Variants in IGF2BP3 observed in about 807,000 individuals in gnomAD.
IGF2BP3 encodes the protein insulin-like growth factor 2 mRNA-binding protein 3.
IGF2BP3 carries 9 observed loss-of-function variants against 73.8 expected under a neutral mutation model. That is an observed-to-expected ratio of 0.12 (90% confidence interval 0.07 to 0.21). The LOEUF (loss-of-function observed/expected upper bound fraction) is 0.21. IGF2BP3 is among the 10% of genes least tolerant of loss of function. IGF2BP3 has a pLI of 1.00. For synonymous variants in IGF2BP3, 258 were observed against 256.7 expected (o/e 1.01, Z -0.05); for missense variants, 542 against 714.0 (o/e 0.76, Z 2.75).
intron 3 of IGF2BP3, among the ~76,000 whole-genome samples, chr7:23,379,300 G>T (rs1785831331): frequency 6.6e-6 from 1 of 152,096 alleles, no homozygotes; most frequent in South Asian, 2.1e-4. Context: ...GGCATTTTTT[G>T]ATCCCAGCCA....
chr7:23,425,965 C>CA (rs111252889), intron 2 of IGF2BP3, among the ~76,000 whole-genome samples: 1,638 of 137,374 alleles, frequency 0.012, 28 homozygotes, highest in East Asian at 0.083. Flanking sequence ...GATCCTATCT[C>CA]AAAAAAAACA....
At chr7:23,319,310 G>T in intron 10 of IGF2BP3, 56 bp from the exon 11 acceptor site, 3 of 1,151,862 alleles carry the variant, frequency 2.6e-6, no homozygotes, top group Admixed American at 1.9e-5. Context: ...TCAGGCTTTT[G>T]TTAACATTAG....
At chr7:23,338,993 T>G (rs547773616) in intron 10 of IGF2BP3, among the ~76,000 whole-genome samples, 36 of 152,372 alleles carry the variant, frequency 2.4e-4, no homozygotes, top group African/African-American at 8.2e-4. Flanking sequence ...ACACAGATTG[T>G]TAAGACTGTC....
At chr7:23,434,092 A>T (rs1375336054) in intron 2 of IGF2BP3, among the ~76,000 whole-genome samples, 1 of 44,238 alleles carries the variant, frequency 2.3e-5, no homozygotes, top group Non-Finnish European at 6.5e-5. Context: ...AATTAAAATT[A>T]AAAAAAAAAA....
At chr7:23,342,675 C>A (rs1210765537) in intron 9 of IGF2BP3, among the ~76,000 whole-genome samples, 2 of 152,116 alleles carry the variant, frequency 1.3e-5, no homozygotes, top group African/African-American at 4.8e-5. Flanking sequence ...AGGACCCATC[C>A]CCATGTAACT....
At chr7:23,337,328 T>C (rs1486985840) in intron 10 of IGF2BP3, among the ~76,000 whole-genome samples, 2 of 152,220 alleles carry the variant, frequency 1.3e-5, no homozygotes, top group East Asian at 1.9e-4. Flanking sequence ...GTTTTCTCTT[T>C]ATTTAGATGA....
chr7:23,419,639 G>A (rs1425158073), intron 2 of IGF2BP3, among the ~76,000 whole-genome samples: 6 of 152,190 alleles, frequency 3.9e-5, no homozygotes, highest in Non-Finnish European at 5.9e-5. Context: ...ATCACTTGAG[G>A]TCTGGAGGTC....
At position 23,310,945 on chromosome 7, in the gene IGF2BP3, A is replaced by C. The variant is rs1195055016; in HGVS notation, c.*1417T>G. 1 of 152,190 alleles carries C rather than the reference A, an allele frequency of 6.6e-6. No individual in the cohort carries two copies. Among genetic ancestry groups the C allele is most frequent in the Non-Finnish European group, 1.5e-5 (1 of 68,032 alleles). 9.4% of individuals were successfully genotyped at this position (152,190 alleles called of 1,614,324 possible). A position where few individuals can be genotyped will look rare whatever the true frequency, so the allele number is the denominator to read the frequency against. ...ATTGTACGTACTGGGCTTTGCTGTC[A>C]AGGAGTGAGCAAATGAGTTCGTTAT... On this transcript the variant is annotated 3_prime_UTR_variant, in exon 15 of 15. Transcript: ENST00000258729.
At chr7:23,403,448 A>G (rs550368791) in intron 3 of IGF2BP3, among the ~76,000 whole-genome samples, 4 of 152,226 alleles carry the variant, frequency 2.6e-5, no homozygotes, top group Admixed American at 6.5e-5. Flanking sequence ...ATAGATATAT[A>G]TAAGTGGCTA....
At chr7:23,379,894 C>T (rs1346528150) in intron 3 of IGF2BP3, among the ~76,000 whole-genome samples, 1 of 152,142 alleles carries the variant, frequency 6.6e-6, no homozygotes, top group Non-Finnish European at 1.5e-5. Flanking sequence ...GGGGCAATTC[C>T]ATGCATCTCT....
intron 3 of IGF2BP3, among the ~76,000 whole-genome samples, chr7:23,394,032 C>A (rs796514786): frequency 2.6e-5 from 4 of 152,078 alleles, no homozygotes; most frequent in African/African-American, 9.7e-5. Context: ...CTTGTGTATA[C>A]CATAATCTTT....
chr7:23,465,157 C>T (rs1788536859), intron 2 of IGF2BP3, among the ~76,000 whole-genome samples: 1 of 152,160 alleles, frequency 6.6e-6, no homozygotes, highest in South Asian at 2.1e-4. Context: ...CACAGGATAC[C>T]AGCAGCTCTT....
At chr7:23,382,894 CAAAAAAA>C (rs57466793) in intron 3 of IGF2BP3, among the ~76,000 whole-genome samples, 13 of 49,114 alleles carry the variant, frequency 2.6e-4, no homozygotes, top group Admixed American at 9.1e-4. Context: ...CTAGCTCTAC[CAAAAAAA>C]AAAAAAAAAA....
intron 10 of IGF2BP3, among the ~76,000 whole-genome samples, chr7:23,319,591 C>G (rs1055844653): frequency 6.6e-6 from 1 of 152,064 alleles, no homozygotes; most frequent in Non-Finnish European, 1.5e-5. Flanking sequence ...TAAGTAAGAG[C>G]CCCCTACCAC....
At chr7:23,367,009 T>TA (rs1554320674) in intron 3 of IGF2BP3, among the ~76,000 whole-genome samples, 5,583 of 147,882 alleles carry the variant, frequency 0.038, 385 homozygotes, top group African/African-American at 0.13. Flanking sequence ...TTTTTTTTTT[T>TA]AAAGACAGAG....
chr7:23,423,169 G>A (rs1477905971), intron 2 of IGF2BP3, among the ~76,000 whole-genome samples: 29 of 152,236 alleles, frequency 1.9e-4, no homozygotes, highest in African/African-American at 9.6e-5. Context: ...TCCTAACCCC[G>A]TGCTCTGCTC....
intron 2 of IGF2BP3, among the ~76,000 whole-genome samples, chr7:23,420,413 A>G (rs1787312053): frequency 6.6e-6 from 1 of 152,118 alleles, no homozygotes; most frequent in Non-Finnish European, 1.5e-5. Context: ...AGGAGTTCAA[A>G]GCTACAGTGA....
intron 2 of IGF2BP3, among the ~76,000 whole-genome samples, chr7:23,419,718 T>C (rs767224761): frequency 7.2e-5 from 11 of 152,176 alleles, no homozygotes; most frequent in Non-Finnish European, 1.6e-4. Context: ...CTGGGCATGG[T>C]GGCAGGTGCC....
chr7:23,347,812 CAA>C, intron 6 of IGF2BP3, 78 bp from the exon 7 acceptor site: 2 of 1,568,202 alleles, frequency 1.3e-6, no homozygotes, highest in South Asian at 1.1e-5. Flanking sequence ...TTACCAAATG[CAA>C]AGTCATAGGG....
Sources: allele counts gnomAD v4.1 joint callset (sites outside exome capture counted in the v4.1 genomes callset), GRCh38; gene constraint gnomAD v4.1.1; transcripts MANE v1.5; gene names NCBI Gene and HGNC (gene_info 2026-07-23, HGNC 2026-07-21).